Variants in SPATA17 observed in about 807,000 individuals in gnomAD.
SPATA17 encodes spermatogenesis associated 17, also known as spermatogenesis-associated protein 17.
A neutral mutation model predicts 62.2 loss-of-function variants in SPATA17; 53 were observed. That is an observed-to-expected ratio of 0.85 (90% confidence interval 0.68 to 1.07). The LOEUF is 1.07. Ranked by LOEUF, SPATA17 falls within the 50% of genes least tolerant of loss-of-function variation. SPATA17 has a pLI of 0.00. For missense variants in SPATA17, 466 were observed against 425.5 expected (o/e 1.10, Z -0.84); for synonymous variants, 146 against 146.8 (o/e 0.99, Z 0.04).
intron 4 of SPATA17, among the ~76,000 whole-genome samples, chr1:217,680,067 C>T (rs1671043250): frequency 6.6e-6 from 1 of 152,136 alleles, no homozygotes; most frequent in Non-Finnish European, 1.5e-5. Context: ...TCCCTTAATA[C>T]TGTTTGATAT....
In SPATA17 at chr1:217,678,463, C is replaced by T. The variant is rs562000596; in HGVS notation, c.292-4795C>T. 9.9e-5 allele frequency among the ~76,000 whole-genome samples: 15 copies of T among 152,014 alleles called. No individual in the cohort carries two copies. The South Asian group carries it at 2.9e-3, about 29-fold the overall frequency. ...GACCTCGTGATCCACCCACCTCAGC[C>T]TCCCAAAGCACAGGGATTACAGGCA... On this transcript the variant is annotated intron_variant, in intron 4 of 10. Coordinates refer to ENST00000366933, the MANE Select transcript of SPATA17 (RefSeq NM_138796.4).
chr1:217,663,597 A>G lies in SPATA17; in HGVS notation c.241-5436A>G, dbSNP rs534546058. On this transcript the variant is annotated intron_variant, in intron 3 of 10. Coordinates refer to ENST00000366933, the MANE Select transcript of SPATA17 (RefSeq NM_138796.4). ...ATTATGAAATGTCGATGGCCCTAAT[A>G]TGGAAAATAACAAAAACTCAGGCTC... 4.5e-3 allele frequency among the ~76,000 whole-genome samples: 682 copies of G among 152,296 alleles called. 3 individuals are homozygous for G. The highest frequency in any genetic ancestry group is 0.014 in the African/African-American group (571 of 41,552).
chr1:217,741,888 C>A, intron 5 of SPATA17, 87 bp from the exon 6 acceptor site: 1 of 1,473,560 alleles, frequency 6.8e-7, no homozygotes, highest in South Asian at 1.2e-5. Flanking sequence ...TGATGGTTGC[C>A]CCTCAAAAAA....
intron 2 of SPATA17, among the ~76,000 whole-genome samples, chr1:217,650,689 G>C (rs1220600609): frequency 6.6e-6 from 1 of 152,172 alleles, no homozygotes; most frequent in Admixed American, 6.5e-5. Flanking sequence ...CTCCCAAAGT[G>C]CTGGGATTAC....
intron 9 of SPATA17, among the ~76,000 whole-genome samples, chr1:217,815,177 C>A (rs1674681738): frequency 6.6e-6 from 1 of 152,008 alleles, no homozygotes; most frequent in Non-Finnish European, 1.5e-5. Flanking sequence ...TTGACTCAGA[C>A]AAGAGGAGGT....
chr1:217,863,498 C>G (rs1675940013), intron 10 of SPATA17, among the ~76,000 whole-genome samples: 1 of 151,968 alleles, frequency 6.6e-6, no homozygotes, highest in Admixed American at 6.6e-5. Context: ...TGTTGGTGCT[C>G]CAAAGCCAAA....
chr1:217,637,736 CCT>C (rs1325228593), intron 1 of SPATA17, among the ~76,000 whole-genome samples: 2 of 152,042 alleles, frequency 1.3e-5, no homozygotes, highest in South Asian at 2.1e-4. Flanking sequence ...AGTCCCTTCC[CCT>C]GATTCTAATT....
At chr1:217,699,360 C>T (rs565547933) in intron 5 of SPATA17, among the ~76,000 whole-genome samples, 1 of 152,206 alleles carries the variant, frequency 6.6e-6, no homozygotes, top group Non-Finnish European at 1.5e-5. Flanking sequence ...GTGTCTTCAC[C>T]AGTATTTATT....
intron 1 of SPATA17, among the ~76,000 whole-genome samples, chr1:217,639,316 A>T (rs554501185): frequency 2.6e-5 from 4 of 152,172 alleles, no homozygotes; most frequent in Non-Finnish European, 2.9e-5. Flanking sequence ...AAGACCACAG[A>T]TAAGAATTCT....
chr1:217,658,182 A>G (rs549223969), intron 3 of SPATA17, among the ~76,000 whole-genome samples: 37 of 152,260 alleles, frequency 2.4e-4, no homozygotes, highest in African/African-American at 8.7e-4. Context: ...CCAGTGTTGG[A>G]GGTGGGGCCT....
At chr1:217,712,007 T>G (rs1558575817) in intron 5 of SPATA17, among the ~76,000 whole-genome samples, 1 of 152,032 alleles carries the variant, frequency 6.6e-6, no homozygotes. Context: ...GAGCAACTAG[T>G]TTTTTTTATA....
At chr1:217,816,393 T>G (rs933974771) in intron 9 of SPATA17, among the ~76,000 whole-genome samples, 1 of 151,724 alleles carries the variant, frequency 6.6e-6, no homozygotes, top group African/African-American at 2.4e-5. Flanking sequence ...AATGGTTGCT[T>G]TATGAATTTT....
At chr1:217,793,455 C>T (rs1354435868) in intron 8 of SPATA17, among the ~76,000 whole-genome samples, 2 of 151,958 alleles carry the variant, frequency 1.3e-5, no homozygotes, top group Admixed American at 1.3e-4. Context: ...CTCTTGACCT[C>T]GTGATCCGCC....
At chr1:217,776,591 C>G (rs1056612701) in intron 7 of SPATA17, among the ~76,000 whole-genome samples, 89 of 150,824 alleles carry the variant, frequency 5.9e-4, no homozygotes, top group African/African-American at 2.1e-3. Flanking sequence ...ATAATCCCAG[C>G]ACTTTGGGAG....
At chr1:217,655,548 C>T (rs180846676) in intron 3 of SPATA17, among the ~76,000 whole-genome samples, 9 of 152,262 alleles carry the variant, frequency 5.9e-5, no homozygotes, top group East Asian at 1.9e-4. Flanking sequence ...CATCCAATTA[C>T]GATTCTTACC....
Position 217,742,863 on chromosome 1 carries a change from A to G in SPATA17, c.519+765A>G, listed in dbSNP as rs144488086. On this transcript the variant is annotated intron_variant, in intron 6 of 10. Coordinates refer to ENST00000366933, the MANE Select transcript of SPATA17 (RefSeq NM_138796.4). ...GTTCTGGCCAGAGTCACATAGTTGA[A>G]TGTCTCCAGGTAGGGGCAAGTCAAG... Among the ~76,000 whole-genome samples the G allele has an allele frequency of 1.3e-3, 199 of 151,986 alleles. 3 individuals carry two copies. The highest frequency in any genetic ancestry group is 4.7e-3 in the African/African-American group (196 of 41,434).
intron 9 of SPATA17, among the ~76,000 whole-genome samples, chr1:217,829,364 AC>A (rs1186404986): frequency 6.6e-6 from 1 of 152,084 alleles, no homozygotes; most frequent in Non-Finnish European, 1.5e-5. Context: ...ATGGTGGTTC[AC>A]GCCTGTAATC....
At chr1:217,806,119 A>G (rs1674431303) in intron 9 of SPATA17, among the ~76,000 whole-genome samples, 1 of 152,218 alleles carries the variant, frequency 6.6e-6, no homozygotes, top group Admixed American at 6.5e-5. Context: ...GGAAGAAAGG[A>G]ATGGATGATA....
At chr1:217,749,981 C>CTATATATATATATATATA (rs1248987599) in intron 6 of SPATA17, among the ~76,000 whole-genome samples, 22 of 27,012 alleles carry the variant, frequency 8.1e-4, no homozygotes, top group South Asian at 1.1e-3. Context: ...CTCTCTCTCT[C>CTATATATATATATATATA]TCTCTATATA....
Sources: allele counts gnomAD v4.1 joint callset (sites outside exome capture counted in the v4.1 genomes callset), GRCh38; gene constraint gnomAD v4.1.1; transcripts MANE v1.5; gene names NCBI Gene and HGNC (gene_info 2026-07-23, HGNC 2026-07-21).